METTL8: variants seen among roughly 807,000 people sequenced by gnomAD.
METTL8 encodes methyltransferase 8, tRNA N3-cytidine, also known as tRNA N(3)-cytidine methyltransferase METTL8, mitochondrial.
METTL8 carries 32 observed loss-of-function variants against 48.7 expected under a neutral mutation model. The observed-to-expected ratio is 0.66, with a 90% CI of 0.50 to 0.88. METTL8 has a LOEUF of 0.88. Ranked by LOEUF, METTL8 falls within the 40% of genes least tolerant of loss-of-function variation. The probability of loss-of-function intolerance (pLI) is 0.00; values close to 1 mark genes in which losing one functional copy is unlikely to be tolerated. For missense variants in METTL8, 464 were observed against 474.4 expected (o/e 0.98, Z 0.20); for synonymous variants, 136 against 157.1 (o/e 0.87, Z 1.01).
intron 3 of METTL8, among the ~76,000 whole-genome samples, chr2:171,342,310 G>T (rs1559074103): frequency 6.6e-6 from 1 of 152,252 alleles, no homozygotes; most frequent in Non-Finnish European, 1.5e-5. Flanking sequence ...TCTGAGAAAT[G>T]AAAGTGGATC....
At chr2:171,397,553 C>CAA (rs34936693) in intron 1 of METTL8, among the ~76,000 whole-genome samples, 279 of 51,196 alleles carry the variant, frequency 5.4e-3, no homozygotes, top group Admixed American at 6.4e-3. Context: ...AACCCTGCCT[C>CAA]AAAAAAAAAA....
intron 1 of METTL8, among the ~76,000 whole-genome samples, chr2:171,418,044 C>T (rs55711751): frequency 0.071 from 10,734 of 152,084 alleles, 673 homozygotes; most frequent in African/African-American, 0.17. Context: ...CCTGGGTTCA[C>T]GCCTTTCTCC....
chr2:171,433,614 G>A (rs1360995255), intron 1 of METTL8, among the ~76,000 whole-genome samples: 1 of 152,102 alleles, frequency 6.6e-6, no homozygotes, highest in Non-Finnish European at 1.5e-5. Context: ...ATCTTAGGCC[G>A]TCCAATAAGA....
At chr2:171,342,985 C>T (rs1028441964) in intron 3 of METTL8, among the ~76,000 whole-genome samples, 1 of 151,408 alleles carries the variant, frequency 6.6e-6, no homozygotes, top group African/African-American at 2.4e-5. Flanking sequence ...TGAGCCTGGA[C>T]AACAAAGCAA....
chr2:171,360,516 A>G lies in METTL8; in HGVS notation c.144-3T>C, dbSNP rs1462498219. The G allele has an allele frequency of 1.2e-6, 2 of 1,609,260 alleles. No individual in the cohort carries two copies. The highest frequency in any genetic ancestry group is 1.7e-6 in the Non-Finnish European group (2 of 1,178,736). On this transcript the variant is annotated splice_polypyrimidine_tract_variant and splice_region_variant and intron_variant, in intron 2 of 9. Coordinates refer to ENST00000375258, the MANE Select transcript of METTL8 (RefSeq NM_001321154.2). Reference sequence around the variant, plus strand: ...CCTTAGACCACTGCATGTGATCCCTATTAAAAAAAAATAGACTGTAAAATA... The same window carrying G: ...CCTTAGACCACTGCATGTGATCCCTGTTAAAAAAAAATAGACTGTAAAATA...
At chr2:171,355,598 A>G (rs1684441664) in intron 3 of METTL8, among the ~76,000 whole-genome samples, 1 of 152,140 alleles carries the variant, frequency 6.6e-6, no homozygotes, top group Admixed American at 6.5e-5. Context: ...GGCCTCCTTG[A>G]GCTGTGGTGG....
intron 3 of METTL8, 49 bp downstream of exon 3, chr2:171,360,371 GAA>G (rs1255500971): frequency 2.0e-6 from 3 of 1,505,348 alleles, no homozygotes; most frequent in Non-Finnish European, 2.8e-6. Context: ...CGAGGAGGAG[GAA>G]AAGTCACTAA....
chr2:171,368,328 C>T (rs980266265), intron 2 of METTL8, among the ~76,000 whole-genome samples: 10 of 152,140 alleles, frequency 6.6e-5, no homozygotes, highest in Non-Finnish European at 1.2e-4. Flanking sequence ...TCATGGAATG[C>T]TATTTTTACT....
intron 3 of METTL8, among the ~76,000 whole-genome samples, chr2:171,353,673 T>C (rs1003859708): frequency 4.6e-5 from 7 of 152,238 alleles, no homozygotes; most frequent in Non-Finnish European, 7.3e-5. Flanking sequence ...ATATTCAGGA[T>C]AGTTAGCTCT....
intron 2 of METTL8, among the ~76,000 whole-genome samples, chr2:171,365,594 G>A (rs1312978523): frequency 1.3e-5 from 2 of 152,086 alleles, no homozygotes; most frequent in East Asian, 3.9e-4. Flanking sequence ...CCCGCCAGGT[G>A]GTATGGGGCT....
intron 1 of METTL8, among the ~76,000 whole-genome samples, chr2:171,404,704 T>C (rs1690005571): frequency 6.6e-6 from 1 of 152,192 alleles, no homozygotes; most frequent in Admixed American, 6.5e-5. Flanking sequence ...ATATATATTA[T>C]AATGGCCTTA....
chr2:171,407,169 G>C (rs1414731986), intron 1 of METTL8, among the ~76,000 whole-genome samples: 1 of 152,112 alleles, frequency 6.6e-6, no homozygotes, highest in Non-Finnish European at 1.5e-5. Flanking sequence ...GAAGGAATTG[G>C]AGGAGCTGAT....
intron 6 of METTL8, among the ~76,000 whole-genome samples, chr2:171,331,024 G>A (rs1460670547): frequency 2.0e-5 from 3 of 152,164 alleles, no homozygotes; most frequent in Admixed American, 6.5e-5. Context: ...AAGAGGTTCT[G>A]TTTGGACTAC....
At position 171,324,665 on chromosome 2, in the gene METTL8, GTT is replaced by G. The variant is rs1263844686; in HGVS notation, c.1034-305_1034-304del. The stretch of plus-strand genomic sequence containing the variant: ...GTGCTCCCTTTCTGAGTTTTTGTTG[GTT>G]TACAGAAACCCAAAACGGCAGATTA... On this transcript the variant is annotated intron_variant, in intron 9 of 9. Transcript: ENST00000375258. Among the ~76,000 whole-genome samples, 3 of 152,150 alleles carry G rather than the reference GTT, an allele frequency of 2.0e-5. No individual in the cohort carries two copies. In the East Asian group the frequency reaches 5.8e-4, roughly 29 times the overall value.
intron 2 of METTL8, among the ~76,000 whole-genome samples, chr2:171,387,315 A>G (rs1333773644): frequency 6.6e-6 from 1 of 152,088 alleles, no homozygotes; most frequent in Non-Finnish European, 1.5e-5. Flanking sequence ...TAGAGGTCTG[A>G]GCAGCGGGGC....
At position 171,323,827 on chromosome 2, in the gene METTL8, A is replaced by G. The variant is rs1284541084; in HGVS notation, c.*345T>C. The G allele has an allele frequency of 5.7e-6, 1 of 176,858 alleles. No homozygotes were observed. The highest frequency in any genetic ancestry group is 2.4e-5 in the African/African-American group (1 of 42,370). 11.0% of individuals were successfully genotyped at this position (176,858 alleles called of 1,614,324 possible). ...GTTTACTAAGCCTAAACAAATAAAC[A>G]ATTTTTTTTACTTGCAAAAAATGTC... On this transcript the variant is annotated 3_prime_UTR_variant, in exon 10 of 10. Coordinates refer to ENST00000375258, the MANE Select transcript of METTL8 (RefSeq NM_001321154.2).
At chr2:171,343,862 T>C (rs573724429) in intron 3 of METTL8, among the ~76,000 whole-genome samples, 1 of 152,336 alleles carries the variant, frequency 6.6e-6, no homozygotes, top group East Asian at 1.9e-4. Flanking sequence ...GATTGCCGTT[T>C]TAAACATGAG....
chr2:171,373,244 G>T (rs1413500421), intron 2 of METTL8, among the ~76,000 whole-genome samples: 1 of 152,198 alleles, frequency 6.6e-6, no homozygotes, highest in African/African-American at 2.4e-5. Context: ...GTGATGATGA[G>T]CATTTTTTCA....
chr2:171,341,569 G>A (rs984914619), intron 3 of METTL8, among the ~76,000 whole-genome samples: 15 of 146,574 alleles, frequency 1.0e-4, no homozygotes, highest in African/African-American at 3.8e-4. Context: ...TTTTTTTTCC[G>A]TGTTCTTGGG....
Sources: allele counts gnomAD v4.1 joint callset (sites outside exome capture counted in the v4.1 genomes callset), GRCh38; gene constraint gnomAD v4.1.1; transcripts MANE v1.5; gene names NCBI Gene and HGNC (gene_info 2026-07-23, HGNC 2026-07-21).